Variants in CSMD1 observed in about 807,000 individuals in gnomAD.
The protein encoded by CSMD1 is CUB and Sushi multiple domains 1.
In CSMD1, 213 loss-of-function variants were observed where a neutral mutation model predicts 417.5. The observed-to-expected ratio is 0.51, with a 90% CI of 0.46 to 0.57. The LOEUF is 0.57. CSMD1 is among the 20% of genes least tolerant of loss of function. CSMD1 has a pLI of 0.00. For synonymous variants in CSMD1, 2,862 were observed against 1,736.8 expected, an observed-to-expected ratio of 1.65 and a Z score of -16.11; for missense variants, 6,923 against 4,529.7, an observed-to-expected ratio of 1.53 and a Z score of -15.17.
intron 15 of CSMD1, among the ~76,000 whole-genome samples, chr8:3,400,197 A>G (rs1811954126): frequency 6.6e-6 from 1 of 152,210 alleles, no homozygotes; most frequent in Non-Finnish European, 1.5e-5. Flanking sequence ...TATCATCTAA[A>G]GGAATTTTAA....
intron 7 of CSMD1, among the ~76,000 whole-genome samples, chr8:3,653,902 A>C (rs1464592491): frequency 6.6e-6 from 1 of 152,198 alleles, no homozygotes; most frequent in Non-Finnish European, 1.5e-5. Flanking sequence ...CAGTATTAAA[A>C]ATCAGCACTT....
At chr8:3,978,456 C>T (rs1171562910) in intron 5 of CSMD1, among the ~76,000 whole-genome samples, 5 of 151,994 alleles carry the variant, frequency 3.3e-5, no homozygotes, top group African/African-American at 9.7e-5. Context: ...CCAATACAGG[C>T]ATTATTGTAA....
At chr8:4,257,863 C>G (rs148207495) in intron 3 of CSMD1, among the ~76,000 whole-genome samples, 2 of 152,196 alleles carry the variant, frequency 1.3e-5, no homozygotes, top group Non-Finnish European at 2.9e-5. Context: ...TCAGCTACAG[C>G]GTACTGATTA....
intron 68 of CSMD1, among the ~76,000 whole-genome samples, chr8:2,949,091 G>A (rs947974548): frequency 6.6e-6 from 1 of 151,332 alleles, no homozygotes; most frequent in African/African-American, 2.4e-5. Flanking sequence ...TATGATGTCT[G>A]GCACATTTAT....
intron 5 of CSMD1, among the ~76,000 whole-genome samples, chr8:3,775,670 C>T (rs1563067945): frequency 6.6e-6 from 1 of 152,068 alleles, no homozygotes; most frequent in African/African-American, 2.4e-5. Context: ...GGGAGAGAGC[C>T]CAACACAGTC....
chr8:3,024,376 G>C (rs1301703638), intron 51 of CSMD1, among the ~76,000 whole-genome samples: 1 of 151,916 alleles, frequency 6.6e-6, no homozygotes, highest in Non-Finnish European at 1.5e-5. Context: ...TGGGACCTCA[G>C]CTCGCGGCAA....
rs745607013 is a variant in CSMD1, at chr8:2,999,988, T to C, written c.8173A>G (p.Lys2725Glu). ...TSVRICLQDH[K>E]WSGQTPVCVP... is the part of the protein sequence containing the mutation. ...CAGACAGGCGTTTGTCCAGACCACT[T>C]GTGGTCTTGCAGGCATATCCTCACG... The change falls in exon 53 of 70, where the codon AAG becomes GAG. Residue 2725 changes from lysine (K) to glutamate (E), a missense_variant. Coordinates refer to ENST00000635120, the MANE Select transcript of CSMD1 (RefSeq NM_033225.6). 1.9e-6 allele frequency: 3 copies of C among 1,609,748 alleles called. No individual in the cohort carries two copies. In the South Asian group the frequency reaches 3.3e-5, roughly 18 times the overall value.
At chr8:4,466,849 T>C (rs1185837375) in intron 2 of CSMD1, among the ~76,000 whole-genome samples, 3 of 152,086 alleles carry the variant, frequency 2.0e-5, no homozygotes, top group African/African-American at 7.2e-5. Context: ...GGAAACATTA[T>C]TCCAAGATGA....
At chr8:3,869,702 A>C (rs1805350244) in intron 5 of CSMD1, among the ~76,000 whole-genome samples, 1 of 152,120 alleles carries the variant, frequency 6.6e-6, no homozygotes. Flanking sequence ...AGCCAGGAGC[A>C]TGTGGGGAAG....
chr8:4,004,946 G>T (rs566899218), intron 4 of CSMD1, among the ~76,000 whole-genome samples: 1 of 151,910 alleles, frequency 6.6e-6, no homozygotes, highest in Non-Finnish European at 1.5e-5. Context: ...GGGTTTCACC[G>T]TGTTAGCCAG....
At chr8:3,641,687 G>T (rs1266327180) in intron 7 of CSMD1, among the ~76,000 whole-genome samples, 1 of 152,126 alleles carries the variant, frequency 6.6e-6, no homozygotes, top group African/African-American at 2.4e-5. Flanking sequence ...CCAACAGAGG[G>T]GGCCAGGAGC....
chr8:4,720,603 G>T lies in CSMD1; in HGVS notation c.86-83045C>A, dbSNP rs1676975. On this transcript the variant is annotated intron_variant, in intron 1 of 69. Transcript: ENST00000635120. ...AGGCTAATTTCTGTATTTAAATAGAGACAGGGTTTCACCATGTTGGCCAGG... is the reference window on the plus strand; with the variant it reads ...AGGCTAATTTCTGTATTTAAATAGATACAGGGTTTCACCATGTTGGCCAGG... Among the ~76,000 whole-genome samples, 2 of 152,092 alleles carry T rather than the reference G, an allele frequency of 1.3e-5. 1 individual carries two copies. Among genetic ancestry groups the T allele is most frequent in the South Asian group, 4.1e-4 (2 of 4,822 alleles).
intron 7 of CSMD1, among the ~76,000 whole-genome samples, chr8:3,690,453 G>A (rs1013584873): frequency 2.6e-5 from 4 of 152,236 alleles, no homozygotes; most frequent in Non-Finnish European, 4.4e-5. Context: ...AACTGTCACA[G>A]TAGTGTTCAA....
chr8:4,951,234 C>G (rs560296889), intron 1 of CSMD1, among the ~76,000 whole-genome samples: 82 of 152,190 alleles, frequency 5.4e-4, no homozygotes, highest in African/African-American at 1.9e-3. Flanking sequence ...CACAAAGAAA[C>G]TGTCTCTTTC....
intron 4 of CSMD1, among the ~76,000 whole-genome samples, chr8:4,022,163 A>T (rs1796821171): frequency 7.5e-6 from 1 of 133,790 alleles, no homozygotes; most frequent in Middle Eastern, 3.8e-3. Context: ...TATATATATT[A>T]ATATATATGT....
At chr8:4,028,155 A>G (rs1216885074) in intron 4 of CSMD1, among the ~76,000 whole-genome samples, 1 of 152,216 alleles carries the variant, frequency 6.6e-6, no homozygotes, top group East Asian at 1.9e-4. Context: ...AGCATTTTAG[A>G]AAAAATAATG....
intron 4 of CSMD1, among the ~76,000 whole-genome samples, chr8:3,999,852 C>T (rs931377665): frequency 3.9e-5 from 6 of 152,146 alleles, no homozygotes; most frequent in African/African-American, 9.7e-5. Flanking sequence ...GACTCCCATC[C>T]AAAGCACGTG....
At chr8:4,165,154 C>G (rs143662858) in intron 3 of CSMD1, among the ~76,000 whole-genome samples, 3 of 152,144 alleles carry the variant, frequency 2.0e-5, no homozygotes, top group Admixed American at 1.3e-4. Context: ...TCAGCCTCCA[C>G]TGCTTAATAT....
chr8:3,511,409 A>G (rs1258811996), intron 10 of CSMD1, among the ~76,000 whole-genome samples: 1 of 151,710 alleles, frequency 6.6e-6, no homozygotes, highest in Non-Finnish European at 1.5e-5. Flanking sequence ...GGCATGTTAT[A>G]GATTTGGAAA....
Sources: gnomAD v4.1 joint callset for allele counts (sites outside exome capture counted in the v4.1 genomes callset) on GRCh38, gnomAD v4.1.1 for gene constraint, MANE v1.5 for transcripts, NCBI Gene and HGNC (gene_info 2026-07-23, HGNC 2026-07-21) for gene names.